MINDY2: variants seen among roughly 807,000 people sequenced by gnomAD.
MINDY2 encodes MINDY lysine 48 deubiquitinase 2, also known as ubiquitin carboxyl-terminal hydrolase MINDY-2.
In MINDY2, 52 loss-of-function variants were observed where a neutral mutation model predicts 68.2. That is an observed-to-expected ratio of 0.76 (90% CI 0.61 to 0.96). MINDY2 has a LOEUF of 0.96. Among genes scored for constraint, MINDY2 ranks in the 40% least tolerant of loss-of-function variants. MINDY2 has a pLI of 0.00. For synonymous variants in MINDY2, 372 were observed against 303.0 expected, an observed-to-expected ratio of 1.23 and a Z score of -2.36; for missense variants, 881 against 773.4, an observed-to-expected ratio of 1.14 and a Z score of -1.65.
chr15:58,854,334 C>A, intron 8 of MINDY2, 148 bp from the exon 9 acceptor site: 1 of 678,348 alleles, frequency 1.5e-6, no homozygotes, highest in Non-Finnish European at 2.4e-6. Context: ...GCTCAGATAC[C>A]ATGTAATATA....
chr15:58,789,971 G>A (rs1253407432), intron 2 of MINDY2, among the ~76,000 whole-genome samples: 2 of 151,914 alleles, frequency 1.3e-5, no homozygotes, highest in South Asian at 2.1e-4. Flanking sequence ...TAGAGATTGG[G>A]TTTCACTGTG....
chr15:58,846,253 A>G (rs2032529414), intron 6 of MINDY2, among the ~76,000 whole-genome samples: 1 of 152,230 alleles, frequency 6.6e-6, no homozygotes, highest in Non-Finnish European at 1.5e-5. Context: ...GAGGCTGGAT[A>G]CCACATTTAC....
chr15:58,810,668 C>A (rs1214462245), intron 4 of MINDY2, among the ~76,000 whole-genome samples: 2 of 152,104 alleles, frequency 1.3e-5, no homozygotes, highest in African/African-American at 4.8e-5. Context: ...TCAGAGGTTT[C>A]CCAAAACTAC....
At chr15:58,812,392 G>A (rs1300169253) in intron 4 of MINDY2, among the ~76,000 whole-genome samples, 1 of 150,256 alleles carries the variant, frequency 6.7e-6, no homozygotes, top group Non-Finnish European at 1.5e-5. Context: ...AGCCGAGATG[G>A]TGCCACTGCA....
chr15:58,795,634 G>C (rs1168337982), intron 2 of MINDY2, among the ~76,000 whole-genome samples: 3 of 152,128 alleles, frequency 2.0e-5, no homozygotes, highest in African/African-American at 4.8e-5. Context: ...TCGATCTCCT[G>C]ACCTCGTGAT....
intron 6 of MINDY2, among the ~76,000 whole-genome samples, chr15:58,834,529 G>A (rs529646765): frequency 2.6e-5 from 4 of 152,294 alleles, no homozygotes; most frequent in South Asian, 2.1e-4. Context: ...GAGAATCTCC[G>A]GAGGTGGGAT....
In MINDY2 at chr15:58,810,007, C is replaced by T. The variant is rs626228; in HGVS notation, c.964-223C>T. Among the ~76,000 whole-genome samples, 820 of 152,268 alleles carry T rather than the reference C, an allele frequency of 5.4e-3. 9 individuals carry two copies. The highest frequency in any genetic ancestry group is 0.017 in the African/African-American group (699 of 41,566). On this transcript the variant is annotated intron_variant, in intron 3 of 8. Coordinates refer to ENST00000559228, the MANE Select transcript of MINDY2 (RefSeq NM_001040450.3). ...GGCCAGGCTGGTCTCAAACTCCTGA[C>T]CTCAAGTGATCCGCCCACCTCAGTG...
chr15:58,832,482 C>T (rs2031782604), intron 6 of MINDY2, among the ~76,000 whole-genome samples: 1 of 150,708 alleles, frequency 6.6e-6, no homozygotes, highest in Non-Finnish European at 1.5e-5. Flanking sequence ...CCCGCCTCAG[C>T]CTCCCAAAGT....
At chr15:58,804,406 T>G (rs1902878744) in intron 3 of MINDY2, among the ~76,000 whole-genome samples, 1 of 152,176 alleles carries the variant, frequency 6.6e-6, no homozygotes, top group African/African-American at 2.4e-5. Context: ...AACTTAAAAT[T>G]AGGGACTGCG....
At chr15:58,793,104 G>A (rs1902049466) in intron 2 of MINDY2, among the ~76,000 whole-genome samples, 1 of 152,198 alleles carries the variant, frequency 6.6e-6, no homozygotes. Context: ...GTGAAATGGG[G>A]GTTGACTGCT....
chr15:58,813,083 C>G (rs1417910472), intron 4 of MINDY2, among the ~76,000 whole-genome samples: 1 of 152,136 alleles, frequency 6.6e-6, no homozygotes, highest in Non-Finnish European at 1.5e-5. Flanking sequence ...TTCATACTCA[C>G]CATAAGTCTC....
intron 3 of MINDY2, among the ~76,000 whole-genome samples, chr15:58,803,641 C>G (rs1428838956): frequency 6.6e-6 from 1 of 151,946 alleles, no homozygotes; most frequent in Non-Finnish European, 1.5e-5. Flanking sequence ...CATGGAAAAA[C>G]CCCACCTCTA....
At chr15:58,849,137 G>C (rs1426045937) in intron 7 of MINDY2, among the ~76,000 whole-genome samples, 2 of 151,946 alleles carry the variant, frequency 1.3e-5, no homozygotes, top group Non-Finnish European at 2.9e-5. Context: ...TTGAACCCAG[G>C]GGGCGGAAGT....
rs61211927 is a variant in MINDY2, at chr15:58,831,041, G to GTATATA, written c.1226-719_1226-714dup. Among the ~76,000 whole-genome samples, 611 of 124,870 alleles carry GTATATA rather than the reference G, an allele frequency of 4.9e-3. 12 individuals carry two copies. Among genetic ancestry groups the GTATATA allele is most frequent in the African/African-American group, 0.019 (564 of 29,192 alleles). The allele number at this position is 124,870 out of a possible 152,430, so 81.9% of individuals were successfully genotyped here. ...TGTGTGTGTGTGTGTGTGTGTGTGT[G>GTATATA]TATATATATATATATATATGTTTTA... On this transcript the variant is annotated intron_variant, in intron 5 of 8. Coordinates refer to ENST00000559228, the MANE Select transcript of MINDY2 (RefSeq NM_001040450.3).
Position 58,771,524 on chromosome 15 carries a change from A to T in MINDY2, c.129A>T (p.Val43=), listed in dbSNP as rs1900387203. Residue 43 remains valine (V), a synonymous_variant, in exon 1 of 9, where the codon GTA becomes GTT. Transcript: ENST00000559228. ...TCGCCGCTGGTGATGGTCCTGGGGT[A>T]TGGGCGGCGGAGACCAGCGGCGGGA... ...TRLAAGDGPG[V]WAAETSGGNG... 2 of 1,611,712 alleles carry T rather than the reference A, an allele frequency of 1.2e-6. No homozygotes were observed. Among genetic ancestry groups the T allele is most frequent in the Admixed American group, 3.3e-5 (2 of 59,960 alleles).
intron 8 of MINDY2, among the ~76,000 whole-genome samples, chr15:58,853,446 T>G (rs2032929218): frequency 6.6e-6 from 1 of 152,094 alleles, no homozygotes; most frequent in Non-Finnish European, 1.5e-5. Context: ...GTGTAGGTTT[T>G]CACTCAAAAA....
intron 5 of MINDY2, among the ~76,000 whole-genome samples, chr15:58,822,139 A>G (rs2031101276): frequency 6.6e-6 from 1 of 152,026 alleles, no homozygotes; most frequent in African/African-American, 2.4e-5. Flanking sequence ...CTGTAATCCC[A>G]GCTACTCAGG....
chr15:58,800,604 A>G (rs1217087644), intron 2 of MINDY2, among the ~76,000 whole-genome samples: 1 of 151,052 alleles, frequency 6.6e-6, no homozygotes, highest in East Asian at 1.9e-4. Flanking sequence ...TCCCCTCAAA[A>G]GATGCTTTTT....
chr15:58,787,736 CAA>C (rs5812951), intron 1 of MINDY2, among the ~76,000 whole-genome samples, 168 bp from the exon 2 acceptor site: 81 of 92,776 alleles, frequency 8.7e-4, no homozygotes, highest in Middle Eastern at 5.3e-3. Context: ...GAGTCCGTCT[CAA>C]AAAAAAAAAA....
Sources: gnomAD v4.1 joint callset for allele counts (sites outside exome capture counted in the v4.1 genomes callset) on GRCh38, gnomAD v4.1.1 for gene constraint, MANE v1.5 for transcripts, NCBI Gene and HGNC (gene_info 2026-07-23, HGNC 2026-07-21) for gene names.